Variants in CDHR1 observed in about 807,000 individuals in gnomAD.
CDHR1 encodes the protein cadherin-related family member 1.
Under a neutral mutation model 72.1 loss-of-function variants are expected in CDHR1, and 61 were observed. The observed-to-expected ratio is 0.85, with a 90% confidence interval of 0.69 to 1.05. The LOEUF is 1.05. CDHR1 is among the 50% of genes least tolerant of loss of function. The pLI is 0.00. For missense variants in CDHR1, 1,186 were observed against 1,115.7 expected, an observed-to-expected ratio of 1.06 and a Z score of -0.90; for synonymous variants, 470 against 448.1, an observed-to-expected ratio of 1.05 and a Z score of -0.62.
rs746710108 is a variant in CDHR1 at position 84,214,832 on chromosome 10, A to G, written c.*211A>G. 24 of 1,481,342 alleles carry G rather than the reference A, an allele frequency of 1.6e-5. No homozygotes were observed. The highest frequency in any genetic ancestry group is 2.1e-5 in the Non-Finnish European group (24 of 1,127,668). The allele number at this position is 1,481,342 out of a possible 1,614,324, so 91.8% of individuals were successfully genotyped here. ...CTCTAGTCAGGGCCTTGGGCAAGAC[A>G]TTGGGCTCTAGGATGCAATTGGCAA... is the stretch of plus-strand genomic sequence containing the variant. On this transcript the variant is annotated 3_prime_UTR_variant, in exon 17 of 17. Transcript: ENST00000623527.
intron 4 of CDHR1, among the ~76,000 whole-genome samples, chr10:84,198,727 C>T (rs1842070932): frequency 6.6e-6 from 1 of 152,242 alleles, no homozygotes; most frequent in African/African-American, 2.4e-5. Flanking sequence ...GCTGCTATCA[C>T]CTTGAGGAGA....
intron 9 of CDHR1, among the ~76,000 whole-genome samples, chr10:84,204,904 A>T (rs1842197350): frequency 6.6e-6 from 1 of 152,134 alleles, no homozygotes; most frequent in South Asian, 2.1e-4. Context: ...GCGTGGCAAC[A>T]TTTCTCACAC....
At chr10:84,196,379 C>A (rs1842029464) in intron 2 of CDHR1, 126 bp from the exon 3 acceptor site, 2 of 1,006,348 alleles carry the variant, frequency 2.0e-6, no homozygotes, top group Admixed American at 1.9e-5. Flanking sequence ...AAGTTCAGGG[C>A]AGTACCTTTG....
chr10:84,213,220 C>G lies in CDHR1; in HGVS notation c.1912C>G (p.Leu638Val). Residue 638 changes from leucine (L) to valine (V), a missense_variant, in exon 16 of 17, where the codon CTG (leucine) becomes GTG (valine). Coordinates refer to ENST00000623527, the MANE Select transcript of CDHR1 (RefSeq NM_033100.4). ...CTGGCTCAAGAATTCCATCCGCTCC[C>G]TGGATGCCCTGCACAACATCACACC... ...EIWLKNSIRS[L>V]DALHNITPGR... is the part of the protein sequence containing the mutation. The G allele has an allele frequency of 6.2e-7, 1 of 1,614,196 alleles. No individual in the cohort carries two copies. The highest frequency in any genetic ancestry group is 8.5e-7 in the Non-Finnish European group (1 of 1,180,032).
chr10:84,196,404 A>C, intron 2 of CDHR1, 101 bp from the exon 3 acceptor site: 1 of 1,303,924 alleles, frequency 7.7e-7, no homozygotes, highest in East Asian at 2.3e-5. Flanking sequence ...TGAGTTGAAT[A>C]GTCACTTTAT....
Position 84,214,066 on chromosome 10 carries a change from T to A in CDHR1, c.2041-16T>A. 1 of 1,613,936 alleles carries A rather than the reference T, an allele frequency of 6.2e-7. No individual in the cohort carries two copies. Among genetic ancestry groups the A allele is most frequent in the East Asian group, 2.2e-5 (1 of 44,852 alleles). On this transcript the variant is annotated splice_polypyrimidine_tract_variant and intron_variant, in intron 16 of 16. Transcript: ENST00000623527. ...GGTGGGAACAGCTGAGTGCAGGGAG[T>A]GGCTTTCTCTTTCAGACCCTCTCCC...
At chr10:84,212,096 G>A (rs1305527978) in intron 14 of CDHR1, 83 bp from the exon 15 acceptor site, 3 of 1,212,526 alleles carry the variant, frequency 2.5e-6, no homozygotes, top group East Asian at 2.3e-5. Flanking sequence ...GCTTCAGGAG[G>A]CAGCTCATTA....
rs767366723 is a variant in CDHR1, at chr10:84,211,167, T to C, written c.1485+2T>C. 18 of 1,614,010 alleles carry C rather than the reference T, an allele frequency of 1.1e-5. No homozygotes were observed. In the Admixed American group the frequency reaches 1.8e-4, roughly 16 times the overall value. The stretch of plus-strand genomic sequence containing the variant: ...GGCTCCAGCGTGGTGGCTGTCACAG[T>C]GGGTTGGGCACTGGCCCAGGGACTG... On this transcript the variant is annotated splice_donor_variant, in intron 13 of 16. Coordinates refer to ENST00000623527, the MANE Select transcript of CDHR1 (RefSeq NM_033100.4). LOFTEE classifies it high-confidence loss of function.
chr10:84,194,685 C>T lies in CDHR1; in HGVS notation c.-76C>T. On this transcript the variant is annotated 5_prime_UTR_variant, in exon 1 of 17. Coordinates refer to ENST00000623527, the MANE Select transcript of CDHR1 (RefSeq NM_033100.4). ...CCCCCATTGTGGTCTCTGCCCTCCCCGCGGGCCCAGGGCATGCTCCGTGCC... is the reference window on the plus strand; with the variant it reads ...CCCCCATTGTGGTCTCTGCCCTCCCTGCGGGCCCAGGGCATGCTCCGTGCC... 7.8e-7 allele frequency: 1 copy of T among 1,274,708 alleles called. No homozygotes were observed. Among genetic ancestry groups the T allele is most frequent in the Admixed American group, 3.6e-5 (1 of 27,790 alleles). The allele number at this position is 1,274,708 out of a possible 1,614,324, so 79.0% of individuals were successfully genotyped here.
At chr10:84,197,881 G>C in intron 4 of CDHR1, 45 bp downstream of exon 4, 2 of 1,570,978 alleles carry the variant, frequency 1.3e-6, no homozygotes, top group Non-Finnish European at 1.8e-6. Context: ...GCAGTATTTG[G>C]GCCTGAGAAG....
rs56127582 is a variant in CDHR1 at position 84,217,210 on chromosome 10, G to T, written c.*2589G>T. 2 of 985,368 alleles carry T rather than the reference G, an allele frequency of 2.0e-6. No homozygotes were observed. Among genetic ancestry groups the T allele is most frequent in the South Asian group, 9.4e-5 (2 of 21,294 alleles). 61.0% of individuals were successfully genotyped at this position (985,368 alleles called of 1,614,324 possible). On this transcript the variant is annotated 3_prime_UTR_variant, in exon 17 of 17. Transcript: ENST00000623527. ...TGGTGGGCCAAGGGGCTGTCTGCTA[G>T]GTCCCAGTAGGACAGGCAGAGCTCC...
At chr10:84,211,608 A>C (rs1380897611) in intron 13 of CDHR1, 40 bp from the exon 14 acceptor site, 3 of 1,579,330 alleles carry the variant, frequency 1.9e-6, no homozygotes, top group South Asian at 1.1e-5. Flanking sequence ...ACATACCCTG[A>C]CAAAGAGGCA....
chr10:84,214,693 C>T lies in CDHR1; in HGVS notation c.*72C>T. Reference sequence around the variant, plus strand: ...CACCCTGCTGCTCGGACTATGCTCCCCTTCCTCTGCTCCTTAAGGTCACTG... The same window carrying T: ...CACCCTGCTGCTCGGACTATGCTCCTCTTCCTCTGCTCCTTAAGGTCACTG... On this transcript the variant is annotated 3_prime_UTR_variant, in exon 17 of 17. Coordinates refer to ENST00000623527, the MANE Select transcript of CDHR1 (RefSeq NM_033100.4). 3 of 1,595,042 alleles carry T rather than the reference C, an allele frequency of 1.9e-6. No individual in the cohort carries two copies. Among genetic ancestry groups the T allele is most frequent in the Non-Finnish European group, 2.5e-6 (3 of 1,177,912 alleles).
At chr10:84,197,764 A>T (rs371416045) in intron 3 of CDHR1, 22 bp from the exon 4 acceptor site, 18 of 1,611,840 alleles carry the variant, frequency 1.1e-5, no homozygotes, top group Non-Finnish European at 1.4e-5. Context: ...CTGGACACTC[A>T]CTCAGTCCCT....
chr10:84,195,109 T>C (rs970809983), intron 1 of CDHR1, among the ~76,000 whole-genome samples: 10 of 152,338 alleles, frequency 6.6e-5, no homozygotes, highest in African/African-American at 2.4e-4. Flanking sequence ...GCTGTAGGCT[T>C]GGTGGCAGCT....
chr10:84,197,925 A>C lies in CDHR1; in HGVS notation c.348+89A>C, dbSNP rs11200915. On this transcript the variant is annotated intron_variant, in intron 4 of 16. Coordinates refer to ENST00000623527, the MANE Select transcript of CDHR1 (RefSeq NM_033100.4). The stretch of plus-strand genomic sequence containing the variant: ...TGGCACGATTCCTCCCCAAGCCTTC[A>C]TGGGGGCTTTTCTGCAAGTTTAAGC... 0.29 allele frequency: 369,574 copies of C among 1,281,686 alleles called. 54,136 individuals are homozygous for C. The highest frequency in any genetic ancestry group is 0.32 in the Admixed American group (17,993 of 56,158). The allele number at this position is 1,281,686 out of a possible 1,614,324, so 79.4% of individuals were successfully genotyped here.
rs139302633 is a variant in CDHR1, at chr10:84,213,309, C to T, written c.2001C>T (p.Ser667=). 2.6e-5 allele frequency: 42 copies of T among 1,614,228 alleles called. No individual in the cohort carries two copies. The African/African-American group carries it at 5.6e-4, about 22-fold the overall frequency. ...AGGACCGGGGCTCCCCATCCTTCAG[C>T]ACCACAGCCTTACTCAAGATTGACA... ...QAKDRGSPSF[S]TTALLKIDIT... Residue 667 remains serine (S), a synonymous_variant, in exon 16 of 17, where the codon AGC becomes AGT. Transcript: ENST00000623527.
Position 84,214,939 on chromosome 10 carries a change from C to G in CDHR1, c.*318C>G. On this transcript the variant is annotated 3_prime_UTR_variant, in exon 17 of 17. Transcript: ENST00000623527. ...GCTGAGAATTGACGAGAAGCCAGCT[C>G]ACCCATCCCAGACCTCACAGTCCCT... 1 of 1,290,064 alleles carries G rather than the reference C, an allele frequency of 7.8e-7. No homozygotes were observed. Among genetic ancestry groups the G allele is most frequent in the Non-Finnish European group, 9.9e-7 (1 of 1,010,560 alleles). The allele number at this position is 1,290,064 out of a possible 1,614,324, so 79.9% of individuals were successfully genotyped here.
At chr10:84,197,669 T>A in intron 3 of CDHR1, 117 bp from the exon 4 acceptor site, 1 of 931,716 alleles carries the variant, frequency 1.1e-6, no homozygotes, top group Non-Finnish European at 1.8e-6. Context: ...CAGGGATCTA[T>A]TGGCACGCCC....
Sources: gnomAD v4.1 joint callset for allele counts (sites outside exome capture counted in the v4.1 genomes callset) on GRCh38, gnomAD v4.1.1 for gene constraint, MANE v1.5 for transcripts, NCBI Gene and HGNC (gene_info 2026-07-23, HGNC 2026-07-21) for gene names.